PCDH7: variants seen among roughly 807,000 people sequenced by gnomAD.
PCDH7 encodes protocadherin-7.
PCDH7 carries 17 observed loss-of-function variants against 58.9 expected under a neutral mutation model. That is an observed-to-expected ratio of 0.29 (90% confidence interval 0.20 to 0.43). The LOEUF (loss-of-function observed/expected upper bound fraction) is 0.43, where lower values mean the gene tolerates loss of function less well. PCDH7 is among the 20% of genes least tolerant of loss of function. PCDH7 has a pLI of 1.00. For missense variants in PCDH7, 1,274 were observed against 1,441.0 expected, an observed-to-expected ratio of 0.88 and a Z score of 1.88; for synonymous variants, 664 against 616.4, an observed-to-expected ratio of 1.08 and a Z score of -1.14.
chr4:30,865,345 G>A (rs1016259658), intron 1 of PCDH7, among the ~76,000 whole-genome samples: 4 of 152,114 alleles, frequency 2.6e-5, no homozygotes, highest in East Asian at 1.9e-4. Context: ...TTTATAGGAA[G>A]GGGGGCTTTT....
At chr4:31,106,148 T>C (rs1351476268) in intron 3 of PCDH7, among the ~76,000 whole-genome samples, 1 of 152,136 alleles carries the variant, frequency 6.6e-6, no homozygotes, top group Non-Finnish European at 1.5e-5. Flanking sequence ...TCAAAGTATG[T>C]TTAAGGCAGT....
At chr4:31,121,529 G>C (rs989928740) in intron 3 of PCDH7, among the ~76,000 whole-genome samples, 11 of 152,186 alleles carry the variant, frequency 7.2e-5, no homozygotes, top group African/African-American at 2.7e-4. Flanking sequence ...TTGGACATCA[G>C]AGACATTTTA....
Position 30,722,994 on chromosome 4 carries a change from G to A in PCDH7, c.1572G>A (p.Lys524=), listed in dbSNP as rs1341275917. Reference sequence around the variant, plus strand: ...CGAGCAACAACTCCCTGATTGTCAAGGTGGGAGACACCAACGACAACCCGC... The same window carrying A: ...CGAGCAACAACTCCCTGATTGTCAAAGTGGGAGACACCAACGACAACCCGC... The change falls in exon 1 of 2, where the codon AAG becomes AAA. Residue 524 remains lysine (K), a synonymous_variant. Coordinates refer to ENST00000361762, the Ensembl canonical transcript of PCDH7. The surrounding 1 kb of genome is among the most constrained non-coding windows in gnomAD (Gnocchi z 7.6). The A allele has an allele frequency of 6.2e-7, 1 of 1,613,754 alleles. No individual in the cohort carries two copies.
intron 2 of PCDH7, among the ~76,000 whole-genome samples, chr4:30,935,139 TTTAG>T (rs1329887838): frequency 2.0e-5 from 3 of 152,094 alleles, no homozygotes; most frequent in African/African-American, 7.2e-5. Flanking sequence ...ATTTAGTATA[TTTAG>T]TTATTTATAG....
rs1223986558 is a variant in PCDH7, at chr4:31,083,106, T to TCAAAAA, written c.*8-59342_*8-59337dup. On this transcript the variant is annotated intron_variant, in intron 3 of 3. Transcript: ENST00000509759. Reference sequence around the variant, plus strand: ...CTGGGCGACAGAGCAAGACTCCATCTCAAAAACAAAAACAAAAACAAAAAC... The same window carrying TCAAAAA: ...CTGGGCGACAGAGCAAGACTCCATCTCAAAAACAAAAACAAAAACAAAAACAAAAAC... 6.8e-4 allele frequency among the ~76,000 whole-genome samples: 104 copies of TCAAAAA among 151,954 alleles called. 1 individual carries two copies. Among genetic ancestry groups the TCAAAAA allele is most frequent in the Admixed American group, 4.2e-3 (64 of 15,264 alleles).
At chr4:31,021,506 T>C (rs1754013206) in intron 3 of PCDH7, among the ~76,000 whole-genome samples, 2 of 152,164 alleles carry the variant, frequency 1.3e-5, no homozygotes, top group Admixed American at 1.3e-4. Context: ...CCCCAGAATT[T>C]TAGTGCTTTA....
At chr4:31,040,249 C>T (rs1755745234) in intron 3 of PCDH7, among the ~76,000 whole-genome samples, 1 of 152,124 alleles carries the variant, frequency 6.6e-6, no homozygotes. Context: ...TCCTTTGAAT[C>T]CTCTCTTCCA....
intron 3 of PCDH7, among the ~76,000 whole-genome samples, chr4:31,004,470 G>A (rs1205356510): frequency 6.6e-6 from 1 of 152,116 alleles, no homozygotes; most frequent in African/African-American, 2.4e-5. Flanking sequence ...AGCACTTTGG[G>A]AGGCCTAAGC....
chr4:31,132,045 C>T (rs1443077319), intron 3 of PCDH7, among the ~76,000 whole-genome samples: 1 of 152,082 alleles, frequency 6.6e-6, no homozygotes, highest in Non-Finnish European at 1.5e-5. Context: ...GAAAATAACA[C>T]ATGGAAATAC....
intron 3 of PCDH7, among the ~76,000 whole-genome samples, chr4:31,141,918 C>T (rs1450376569): frequency 6.6e-6 from 1 of 152,114 alleles, no homozygotes; most frequent in Non-Finnish European, 1.5e-5. Flanking sequence ...GTTTTTACCA[C>T]ATAATGTGCT....
intron 1 of PCDH7, among the ~76,000 whole-genome samples, chr4:30,802,531 G>A (rs542397295): frequency 2.0e-5 from 3 of 152,114 alleles, no homozygotes; most frequent in Non-Finnish European, 4.4e-5. Flanking sequence ...GGAAGGAGTG[G>A]AATCAAAAAG....
intron 3 of PCDH7, among the ~76,000 whole-genome samples, chr4:30,990,920 A>G (rs1287628979): frequency 6.6e-6 from 1 of 152,144 alleles, no homozygotes. Flanking sequence ...AGTAGGTATA[A>G]AATAATTATC....
chr4:31,031,223 AC>A (rs775426613), intron 3 of PCDH7, among the ~76,000 whole-genome samples: 1 of 151,960 alleles, frequency 6.6e-6, no homozygotes, highest in African/African-American at 2.4e-5. Flanking sequence ...CACCTCCCCG[AC>A]CCCCCAAGGG....
chr4:31,081,931 G>A (rs1184571407), intron 3 of PCDH7, among the ~76,000 whole-genome samples: 6 of 151,844 alleles, frequency 4.0e-5, no homozygotes, highest in Non-Finnish European at 8.8e-5. Flanking sequence ...CGCCACCAAG[G>A]CCAGCTAATT....
At chr4:30,995,458 G>C (rs1751810157) in intron 3 of PCDH7, among the ~76,000 whole-genome samples, 1 of 151,852 alleles carries the variant, frequency 6.6e-6, no homozygotes, top group African/African-American at 2.4e-5. Flanking sequence ...CTTGCAGTGA[G>C]TCGAGATCGT....
chr4:30,885,006 T>C (rs1291119027), intron 1 of PCDH7: 1 of 152,182 alleles, frequency 6.6e-6, no homozygotes, highest in African/African-American at 2.4e-5. Context: ...TTGCTAGAGC[T>C]GTAATGATGA....
chr4:31,000,220 G>T lies in PCDH7; in HGVS notation c.*7+50005G>T, dbSNP rs78663868. Among the ~76,000 whole-genome samples the T allele has an allele frequency of 7.2e-3, 1,089 of 152,208 alleles. 16 individuals carry two copies. Among genetic ancestry groups the T allele is most frequent in the African/African-American group, 0.025 (1,024 of 41,546 alleles). On this transcript the variant is annotated intron_variant, in intron 3 of 3. Coordinates refer to the PCDH7 transcript ENST00000509759. ...TTTTACAGGATTATGGAAATCAGTA[G>T]TAGGGTTTTGCTGTCAATTTTAACG...
intron 3 of PCDH7, among the ~76,000 whole-genome samples, chr4:31,010,956 T>C (rs1256808070): frequency 6.6e-6 from 1 of 152,134 alleles, no homozygotes; most frequent in East Asian, 1.9e-4. Flanking sequence ...AATGCCAGCC[T>C]CCTTCTTTCC....
intron 1 of PCDH7, among the ~76,000 whole-genome samples, chr4:30,762,440 G>A (rs1249493201): frequency 6.6e-6 from 1 of 151,986 alleles, no homozygotes; most frequent in Non-Finnish European, 1.5e-5. Flanking sequence ...ATTATCATTC[G>A]TTCAAAGAAG....
Sources: allele counts gnomAD v4.1 joint callset (sites outside exome capture counted in the v4.1 genomes callset), GRCh38; gene constraint gnomAD v4.1.1; non-coding constraint Gnocchi (gnomAD v3.1); transcripts MANE v1.5; gene names NCBI Gene and HGNC (gene_info 2026-07-23, HGNC 2026-07-21).